TSPAN7: variants seen among roughly 807,000 people sequenced by gnomAD.
The protein encoded by TSPAN7 is tetraspanin 7.
TSPAN7 carries 1 observed loss-of-function variant against 17.6 expected under a neutral mutation model. The observed-to-expected ratio is 0.06, with a 90% CI of 0.02 to 0.27. The LOEUF is 0.27. Ranked by LOEUF, TSPAN7 falls within the 10% of genes least tolerant of loss-of-function variation. The probability of loss-of-function intolerance (pLI) is 1.00; values close to 1 mark genes in which losing one functional copy is unlikely to be tolerated. For missense variants in TSPAN7, 112 were observed against 201.7 expected (o/e 0.56, Z 2.69); for synonymous variants, 78 against 79.0 (o/e 0.99, Z 0.07).
In TSPAN7 at chrX:38,650,633, T is replaced by C. The variant is rs745705460; in HGVS notation, c.82-15488T>C. Among the ~76,000 whole-genome samples, 40 of 112,550 alleles carry C rather than the reference T, an allele frequency of 3.6e-4. 2 individuals are homozygous for C. The South Asian group carries it at 0.014, about 39-fold the overall frequency. ...TGGGCCAGTCACTTTCAGCTGACAC[T>C]GTCAAAGGGGAAGGATTTCTGCTTC... On this transcript the variant is annotated intron_variant, in intron 1 of 7. Coordinates refer to ENST00000378482, the MANE Select transcript of TSPAN7 (RefSeq NM_004615.4).
Position 38,566,366 on chromosome X carries a change from C to A in TSPAN7, c.81+4739C>A, listed in dbSNP as rs1425121345. On this transcript the variant is annotated intron_variant, in intron 1 of 7. Coordinates refer to ENST00000378482, the MANE Select transcript of TSPAN7 (RefSeq NM_004615.4). ...AAAACACACCTAGGAGTAAGTTATC[C>A]TGTGCTTTAAAGACTAGCAAACAAT... The A allele has an allele frequency of 3.2e-6, 3 of 950,271 alleles. No homozygotes were observed. The African/African-American group carries it at 6.1e-5, about 19-fold the overall frequency. 78.3% of individuals were successfully genotyped at this position (950,271 alleles called of 1,213,427 possible). A position where few individuals can be genotyped will look rare whatever the true frequency, so the allele number is the denominator to read the frequency against.
chrX:38,595,159 T>C (rs1336346847), intron 1 of TSPAN7, among the ~76,000 whole-genome samples: 2 of 111,622 alleles, frequency 1.8e-5, no homozygotes, highest in Non-Finnish European at 3.8e-5. Context: ...CTGGGACAAA[T>C]AGTTCTTTTT....
At chrX:38,591,964 G>T (rs1281411024) in intron 1 of TSPAN7, among the ~76,000 whole-genome samples, 1 of 112,016 alleles carries the variant, frequency 8.9e-6, no homozygotes, top group Non-Finnish European at 1.9e-5. Flanking sequence ...AGGCTGCATA[G>T]GAAGCATGGC....
chrX:38,645,140 G>C (rs935024059), intron 1 of TSPAN7, among the ~76,000 whole-genome samples: 1 of 112,350 alleles, frequency 8.9e-6, no homozygotes, highest in African/African-American at 3.2e-5. Context: ...ACACCAGTTT[G>C]ATCCTACTCA....
At chrX:38,618,475 T>TGTCA (rs1394495679) in intron 1 of TSPAN7, among the ~76,000 whole-genome samples, 1 of 111,810 alleles carries the variant, frequency 8.9e-6, no homozygotes, top group Non-Finnish European at 1.9e-5. Flanking sequence ...TGGAAGTTAC[T>TGTCA]GTCAAGTCAG....
intron 1 of TSPAN7, among the ~76,000 whole-genome samples, chrX:38,650,121 C>T (rs1195478255): frequency 1.8e-5 from 2 of 111,934 alleles, no homozygotes; most frequent in Non-Finnish European, 1.9e-5. Flanking sequence ...AAGAGAAGTA[C>T]ATCCCAGAGC....
chrX:38,678,647 G>A (rs1378665341), intron 5 of TSPAN7, among the ~76,000 whole-genome samples: 3 of 111,686 alleles, frequency 2.7e-5, no homozygotes, highest in Non-Finnish European at 3.8e-5. Context: ...AGTAAATAAC[G>A]GAAAAATCCA....
intron 1 of TSPAN7, among the ~76,000 whole-genome samples, chrX:38,578,384 A>G (rs749082440): frequency 2.8e-4 from 31 of 111,882 alleles, no homozygotes; most frequent in Middle Eastern, 4.6e-3. Flanking sequence ...ACAGGGTAAG[A>G]GCAAGTTACT....
chrX:38,687,221 TTC>T (rs1383413281), intron 6 of TSPAN7, among the ~76,000 whole-genome samples: 1 of 111,931 alleles, frequency 8.9e-6, no homozygotes, highest in Non-Finnish European at 1.9e-5. Context: ...TATCACTAAA[TTC>T]TGTGTTCCTT....
At chrX:38,614,893 C>T (rs2069445178) in intron 1 of TSPAN7, among the ~76,000 whole-genome samples, 1 of 112,151 alleles carries the variant, frequency 8.9e-6, no homozygotes, top group Admixed American at 9.4e-5. Flanking sequence ...TCACATTTCC[C>T]TATTGAGAGT....
chrX:38,679,607 C>G (rs1310985989), intron 5 of TSPAN7, among the ~76,000 whole-genome samples: 2 of 110,354 alleles, frequency 1.8e-5, no homozygotes, highest in African/African-American at 6.6e-5. Context: ...TGAGACTAAC[C>G]TGGCCAACAT....
chrX:38,606,662 C>T (rs769257109), intron 1 of TSPAN7, among the ~76,000 whole-genome samples: 6 of 111,896 alleles, frequency 5.4e-5, no homozygotes, highest in Non-Finnish European at 9.4e-5. Context: ...AACATTTCTG[C>T]ATCACCAGAA....
chrX:38,606,001 G>A (rs1326245952), intron 1 of TSPAN7, among the ~76,000 whole-genome samples: 1 of 106,919 alleles, frequency 9.4e-6, no homozygotes, highest in Non-Finnish European at 1.9e-5. Context: ...ATAGGCATGG[G>A]CAAGGACTTC....
intron 5 of TSPAN7, 93 bp downstream of exon 5, chrX:38,675,953 T>C (rs2069851268): frequency 1.8e-5 from 19 of 1,041,672 alleles, no homozygotes; most frequent in Non-Finnish European, 2.2e-5. Flanking sequence ...AGATTTGAAA[T>C]AGTAGTCAAG....
intron 1 of TSPAN7, among the ~76,000 whole-genome samples, chrX:38,664,592 A>G (rs1043004654): frequency 3.6e-5 from 4 of 111,999 alleles, no homozygotes; most frequent in African/African-American, 1.3e-4. Context: ...AAGGCAGTCA[A>G]CCTCCACGGG....
At chrX:38,603,999 T>A (rs1199128382) in intron 1 of TSPAN7, among the ~76,000 whole-genome samples, 1 of 96,312 alleles carries the variant, frequency 1.0e-5, no homozygotes, top group Admixed American at 1.1e-4. Context: ...ATTAGGTATA[T>A]CTCCTAATGC....
chrX:38,581,414 G>A (rs1170013678), intron 1 of TSPAN7, among the ~76,000 whole-genome samples: 1 of 111,833 alleles, frequency 8.9e-6, no homozygotes, highest in Non-Finnish European at 1.9e-5. Context: ...AAGAGAGAGA[G>A]CATGTGTAGG....
At chrX:38,581,987 C>T (rs1326878694) in intron 1 of TSPAN7, among the ~76,000 whole-genome samples, 4 of 112,639 alleles carry the variant, frequency 3.6e-5, no homozygotes, top group East Asian at 2.8e-4. Flanking sequence ...GTAATCTGCA[C>T]ACGGACACAC....
At chrX:38,662,866 G>A (rs1383415751) in intron 1 of TSPAN7, among the ~76,000 whole-genome samples, 2 of 109,919 alleles carry the variant, frequency 1.8e-5, no homozygotes, top group African/African-American at 6.6e-5. Context: ...CAGTTTCCAC[G>A]TTATTGAGAG....
Sources: allele counts gnomAD v4.1 joint callset (sites outside exome capture counted in the v4.1 genomes callset), GRCh38; gene constraint gnomAD v4.1.1; transcripts MANE v1.5; gene names NCBI Gene and HGNC (gene_info 2026-07-23, HGNC 2026-07-21).